Variants in SAR1B observed in about 807,000 individuals in gnomAD.
SAR1B encodes secretion associated Ras related GTPase 1B.
SAR1B carries 23 observed loss-of-function variants against 26.8 expected under a neutral mutation model. The ratio of observed to expected loss-of-function variants is 0.86; its 90% CI spans 0.62 to 1.22. The LOEUF (loss-of-function observed/expected upper bound fraction) is 1.22, where lower values mean the gene tolerates loss of function less well. SAR1B is among the 50% of genes most tolerant of loss of function. The pLI, the probability that SAR1B is intolerant of heterozygous loss-of-function variation, is 0.00. For missense variants in SAR1B, 196 were observed against 232.8 expected (o/e 0.84, Z 1.03); for synonymous variants, 65 against 80.8 (o/e 0.80, Z 1.05).
At chr5:134,623,349 A>G (rs546914490) in intron 2 of SAR1B, among the ~76,000 whole-genome samples, 1 of 151,952 alleles carries the variant, frequency 6.6e-6, no homozygotes, top group South Asian at 2.1e-4. Flanking sequence ...TTGAGGCAGG[A>G]GAATCGCTTG....
chr5:134,623,174 T>C (rs112638124), intron 2 of SAR1B, among the ~76,000 whole-genome samples: 7,827 of 148,648 alleles, frequency 0.053, 470 homozygotes, highest in African/African-American at 0.15. Context: ...GGCACAGTGG[T>C]TCATGCCTGT....
At chr5:134,609,779 C>T (rs1000384691) in intron 4 of SAR1B, 105 bp from the exon 5 acceptor site, 17 of 814,592 alleles carry the variant, frequency 2.1e-5, no homozygotes, top group Middle Eastern at 4.3e-4. Context: ...CCCTTAGCTG[C>T]TGGTACTTCA....
Position 134,612,776 on chromosome 5 carries a change from AT to A in SAR1B, c.179-21del. ...CGGAAGCTAAATAAGATTTTAAAAT[AT>A]TTTTACATGAAAATTAGAAACCCAT... On this transcript the variant is annotated intron_variant, in intron 3 of 6. Coordinates refer to ENST00000402673, the MANE Select transcript of SAR1B (RefSeq NM_016103.4). The A allele has an allele frequency of 6.4e-7, 1 of 1,571,130 alleles. No individual in the cohort carries two copies. Among genetic ancestry groups the A allele is most frequent in the Non-Finnish European group, 8.7e-7 (1 of 1,154,514 alleles).
Position 134,605,659 on chromosome 5 carries a change from C to CAAAAAAAAAAAAAAAAAAAAAAAAAA in SAR1B, c.*1290_*1291insTTTTTTTTTTTTTTTTTTTTTTTTTT. 2.9e-5 allele frequency: 1 copy of CAAAAAAAAAAAAAAAAAAAAAAAAAA among 35,026 alleles called. No homozygotes were observed. Among genetic ancestry groups the CAAAAAAAAAAAAAAAAAAAAAAAAAA allele is most frequent in the Middle Eastern group, 0.015 (1 of 66 alleles). The allele number at this position is 35,026 out of a possible 1,614,324, so 2.2% of individuals were successfully genotyped here. ...GTCTCTAAAACAAAATGAAACAGAG[C>CAAAAAAAAAAAAAAAAAAAAAAAAAA]AAAAAAAAAAAAAAAAAAAAAGCCC... On this transcript the variant is annotated 3_prime_UTR_variant, in exon 7 of 7. Coordinates refer to ENST00000402673, the MANE Select transcript of SAR1B (RefSeq NM_016103.4).
At position 134,617,848 on chromosome 5, in the gene SAR1B, A is replaced by AT. The variant is rs1300373270; in HGVS notation, c.178+3084dup. On this transcript the variant is annotated intron_variant, in intron 3 of 6. Coordinates refer to ENST00000402673, the MANE Select transcript of SAR1B (RefSeq NM_016103.4). ...AGGCACGTGCCACCGTGTCCGGCTAATTTTTGTATTTTTAGTACAGAACGG... is the reference window on the plus strand; with the variant it reads ...AGGCACGTGCCACCGTGTCCGGCTAATTTTTTGTATTTTTAGTACAGAACGG... Among the ~76,000 whole-genome samples the AT allele has an allele frequency of 7.2e-5, 11 of 152,218 alleles. No individual in the cohort carries two copies. In the East Asian group the frequency reaches 1.9e-3, roughly 27 times the overall value.
intron 3 of SAR1B, among the ~76,000 whole-genome samples, chr5:134,616,035 G>A (rs1765308737): frequency 6.6e-6 from 1 of 150,806 alleles, no homozygotes; most frequent in Non-Finnish European, 1.5e-5. Context: ...AGCTACTAGG[G>A]AAGCTGAGAC....
rs1197180274 is a variant in SAR1B, at chr5:134,620,936, G to A, written c.175C>T (p.Pro59Ser). The A allele has an allele frequency of 1.2e-6, 2 of 1,613,672 alleles. No homozygotes were observed. Among genetic ancestry groups the A allele is most frequent in the Non-Finnish European group, 1.7e-6 (2 of 1,179,714 alleles). ...RLGQHVPTLH[P>S]TSEELTIAGM... ...TTGTATGTAGGAATATACTTACTGG[G>A]ATGTAATGTTGGGACATGTTGTCCA... The change falls in exon 3 of 7, where the codon CCC becomes TCC. Residue 59 changes from proline (P) to serine (S), a missense_variant. Pro to Ser is a moderately conservative substitution (Grantham distance 74). Coordinates refer to ENST00000402673, the MANE Select transcript of SAR1B (RefSeq NM_016103.4).
rs1561782228 is a variant in SAR1B at position 134,603,671 on chromosome 5, C to CAGGT, written c.*3278_*3279insACCT. 4 of 152,010 alleles carry CAGGT rather than the reference C, an allele frequency of 2.6e-5. No individual in the cohort carries two copies. Among genetic ancestry groups the CAGGT allele is most frequent in the Non-Finnish European group, 4.4e-5 (3 of 68,038 alleles). The allele number at this position is 152,010 out of a possible 1,614,324, so 9.4% of individuals were successfully genotyped here. A position where few individuals can be genotyped will look rare whatever the true frequency, so the allele number is the denominator to read the frequency against. On this transcript the variant is annotated 3_prime_UTR_variant, in exon 7 of 7. Coordinates refer to ENST00000402673, the MANE Select transcript of SAR1B (RefSeq NM_016103.4). ...AAAATTAGCCGGGCATGGTGGTGCG[C>CAGGT]GCCTGTAGTCCCAGCTACTCAGGAG... is the stretch of plus-strand genomic sequence containing the variant.
At chr5:134,608,876 C>A in intron 5 of SAR1B, 1 of 365,190 alleles carries the variant, frequency 2.7e-6, no homozygotes, top group Non-Finnish European at 5.3e-6. Context: ...TAGCATCCAC[C>A]CTATGAAATT....
At chr5:134,611,288 G>A (rs757628031) in intron 4 of SAR1B, among the ~76,000 whole-genome samples, 19 of 152,178 alleles carry the variant, frequency 1.2e-4, no homozygotes, top group Non-Finnish European at 2.4e-4. Context: ...TGTCTCAAAT[G>A]TGCTTTCACT....
intron 1 of SAR1B, among the ~76,000 whole-genome samples, chr5:134,629,707 A>C (rs532555614): frequency 5.3e-5 from 8 of 150,274 alleles, no homozygotes; most frequent in African/African-American, 1.7e-4. Context: ...AAAAAAACAA[A>C]CAAACAAACA....
At chr5:134,608,247 G>A in intron 6 of SAR1B, 125 bp downstream of exon 6, 1 of 978,878 alleles carries the variant, frequency 1.0e-6, no homozygotes, top group Non-Finnish European at 1.5e-6. Flanking sequence ...AAGACCCACA[G>A]GTATAAATGA....
intron 1 of SAR1B, among the ~76,000 whole-genome samples, chr5:134,625,478 A>G (rs1205500625): frequency 6.6e-6 from 1 of 152,220 alleles, no homozygotes; most frequent in African/African-American, 2.4e-5. Context: ...GGTAGTATAC[A>G]GAGATGGAGC....
rs1482448759 is a variant in SAR1B at position 134,625,334 on chromosome 5, T to C, written c.-18-1297A>G. Among the ~76,000 whole-genome samples, 3 of 152,142 alleles carry C rather than the reference T, an allele frequency of 2.0e-5. No individual in the cohort carries two copies. In the East Asian group the frequency reaches 5.8e-4, roughly 29 times the overall value. ...CACCCTCCACCAGCAGTGCTCAACA[T>C]GGAGTGACTAGAGATTAGGAACATC... On this transcript the variant is annotated intron_variant, in intron 1 of 6. Coordinates refer to ENST00000402673, the MANE Select transcript of SAR1B (RefSeq NM_016103.4).
rs765284569 is a variant in SAR1B, at chr5:134,621,003, T to C, written c.108A>G (p.Ala36=). The part of the protein sequence containing the change: ...GKLVFLGLDN[A]GKTTLLHMLK... ...GCATGTGTAGCAATGTTGTTTTTCC[T>C]GCATTATCCAATCCAAGAAATACCA... is the stretch of plus-strand genomic sequence containing the variant. Residue 36 remains alanine, a synonymous_variant, in exon 3 of 7, where the codon GCA becomes GCG. Transcript: ENST00000402673. 16 of 1,613,536 alleles carry C rather than the reference T, an allele frequency of 9.9e-6. No homozygotes were observed. Among genetic ancestry groups the C allele is most frequent in the Non-Finnish European group, 1.3e-5 (15 of 1,179,406 alleles).
intron 1 of SAR1B, among the ~76,000 whole-genome samples, chr5:134,628,377 T>C (rs78530676): frequency 0.039 from 5,791 of 149,730 alleles, 141 homozygotes; most frequent in Middle Eastern, 0.057. Flanking sequence ...ACCCAAAAAG[T>C]ACTATTGGGA....
At chr5:134,612,154 G>C (rs770650225) in intron 4 of SAR1B, among the ~76,000 whole-genome samples, 4 of 152,080 alleles carry the variant, frequency 2.6e-5, no homozygotes, top group Non-Finnish European at 4.4e-5. Context: ...TTGTTTTACA[G>C]AGCAGTAACA....
chr5:134,608,524 C>G (rs969267340), intron 5 of SAR1B, 21 bp from the exon 6 acceptor site: 1 of 1,606,214 alleles, frequency 6.2e-7, no homozygotes, highest in Non-Finnish European at 8.5e-7. Flanking sequence ...CAAAACAATA[C>G]AAAACAAGAG....
In SAR1B at chr5:134,612,678, A is replaced by AAAAAAAAAAAAAAAAAAAAAAAAAAAAAC; in HGVS notation, c.244+12_244+13insGTTTTTTTTTTTTTTTTTTTTTTTTTTTT. 1.0e-6 allele frequency: 1 copy of AAAAAAAAAAAAAAAAAAAAAAAAAAAAAC among 1,000,234 alleles called. No individual in the cohort carries two copies. The highest frequency in any genetic ancestry group is 1.4e-6 in the Non-Finnish European group (1 of 716,896). The allele number at this position is 1,000,234 out of a possible 1,614,324, so 62.0% of individuals were successfully genotyped here. Reference sequence around the variant, plus strand: ...AAAAAAAAAAAAAAAAAAAAAAAAAAAAAGAATCTTACCTTGAACATGTCC... The same window carrying AAAAAAAAAAAAAAAAAAAAAAAAAAAAAC: ...AAAAAAAAAAAAAAAAAAAAAAAAAAAAAAAAAAAAAAAAAAAAAAAAAAAAAACAAAGAATCTTACCTTGAACATGTCC... On this transcript the variant is annotated intron_variant, in intron 4 of 6. Coordinates refer to ENST00000402673, the MANE Select transcript of SAR1B (RefSeq NM_016103.4).
Sources: allele counts gnomAD v4.1 joint callset (sites outside exome capture counted in the v4.1 genomes callset), GRCh38; gene constraint gnomAD v4.1.1; transcripts MANE v1.5; gene names NCBI Gene and HGNC (gene_info 2026-07-23, HGNC 2026-07-21).